ASTN1: variants seen among roughly 807,000 people sequenced by gnomAD.
ASTN1 encodes the protein astrotactin-1.
In ASTN1, 41 loss-of-function variants were observed where a neutral mutation model predicts 140.7. The ratio of observed to expected loss-of-function variants is 0.29; its 90% confidence interval spans 0.23 to 0.38. ASTN1 has a LOEUF of 0.38. Ranked by LOEUF, ASTN1 falls within the 10% of genes least tolerant of loss-of-function variation. ASTN1 has a pLI of 1.00. For synonymous variants in ASTN1, 640 were observed against 652.2 expected, an observed-to-expected ratio of 0.98 and a Z score of 0.29; for missense variants, 1,479 against 1,678.8, an observed-to-expected ratio of 0.88 and a Z score of 2.08.
intron 5 of ASTN1, 171 bp downstream of exon 5, chr1:177,029,463 G>T: frequency 1.3e-6 from 1 of 777,048 alleles, no homozygotes; most frequent in Non-Finnish European, 2.4e-6. Flanking sequence ...TTCCACTCTA[G>T]GCTCTTCTTT....
intron 8 of ASTN1, among the ~76,000 whole-genome samples, chr1:176,968,687 T>C (rs1672998415): frequency 6.6e-6 from 1 of 152,240 alleles, no homozygotes; most frequent in South Asian, 2.1e-4. Context: ...GAAATCTTAC[T>C]TGATTTATTT....
rs139084258 is a variant in ASTN1, at chr1:177,042,662, G to A, written c.472-9813C>T. On this transcript the variant is annotated intron_variant, in intron 2 of 22. Transcript: ENST00000361833. ...TTATTTTATTTAGTCCTACCAATAA[G>A]TATAAGTAGTAAAAATTATAATTTC... Among the ~76,000 whole-genome samples, 89 of 152,270 alleles carry A rather than the reference G, an allele frequency of 5.8e-4. 1 individual carries two copies. The East Asian group carries it at 0.016, about 28-fold the overall frequency.
intron 5 of ASTN1, among the ~76,000 whole-genome samples, chr1:177,028,875 C>T (rs1571674971): frequency 6.6e-6 from 1 of 152,194 alleles, no homozygotes; most frequent in East Asian, 1.9e-4. Flanking sequence ...TTGTTCTTAT[C>T]CAGTACCACA....
At position 177,164,379 on chromosome 1, in the gene ASTN1, TC is replaced by T. The variant is rs759099037; in HGVS notation, c.283+14del. 25 of 1,553,452 alleles carry T rather than the reference TC, an allele frequency of 1.6e-5. No individual in the cohort carries two copies. Among genetic ancestry groups the T allele is most frequent in the South Asian group, 7.2e-5 (6 of 83,598 alleles). On this transcript the variant is annotated intron_variant, in intron 1 of 22. Coordinates refer to ENST00000361833, the MANE Select transcript of ASTN1 (RefSeq NM_004319.3). ...TCCAGCGCCTCCGGCCGCCTCGACC[TC>T]CCCCGGGACTCACCCAGCACGAAGT...
chr1:177,037,095 C>T (rs1235956498), intron 2 of ASTN1, among the ~76,000 whole-genome samples: 1 of 152,164 alleles, frequency 6.6e-6, no homozygotes, highest in Non-Finnish European at 1.5e-5. Context: ...GGTGGGATTA[C>T]AGGTATGAGG....
At chr1:177,146,563 C>T (rs1375285429) in intron 1 of ASTN1, among the ~76,000 whole-genome samples, 3 of 152,194 alleles carry the variant, frequency 2.0e-5, no homozygotes, top group Non-Finnish European at 2.9e-5. Flanking sequence ...AATGCTGGTA[C>T]ATTTCATTAC....
chr1:177,078,458 T>A (rs1234399843), intron 1 of ASTN1, among the ~76,000 whole-genome samples: 3 of 152,148 alleles, frequency 2.0e-5, no homozygotes, highest in Non-Finnish European at 2.9e-5. Context: ...CTCGGGCACC[T>A]CACTAGATGG....
chr1:177,118,670 G>A (rs1681218751), intron 1 of ASTN1, among the ~76,000 whole-genome samples: 1 of 152,082 alleles, frequency 6.6e-6, no homozygotes, highest in African/African-American at 2.4e-5. Flanking sequence ...TTAATTTCAG[G>A]CTGTCTTTAA....
rs1250112269 is a variant in ASTN1 at position 176,871,843 on chromosome 1, G to C, written c.3464-2816C>G. Among the ~76,000 whole-genome samples, 8 of 152,224 alleles carry C rather than the reference G, an allele frequency of 5.3e-5. No individual in the cohort carries two copies. In the East Asian group the frequency reaches 1.2e-3, roughly 22 times the overall value. On this transcript the variant is annotated intron_variant, in intron 21 of 22. Transcript: ENST00000361833. ...TCAATTGCAGGTTCACAGAAACCTT[G>C]AGTTATTCAAGACAGATACCTGTCT... is the stretch of plus-strand genomic sequence containing the variant.
rs1678387268 is a variant in ASTN1 at position 177,066,919 on chromosome 1, G to A, written c.284-5654C>T. ...ATTGCTGAAGTCAAGGCAGGAGGAAGCATTAAGTAGTCAATTTTTAGCCTC... is the reference window on the plus strand; with the variant it reads ...ATTGCTGAAGTCAAGGCAGGAGGAAACATTAAGTAGTCAATTTTTAGCCTC... On this transcript the variant is annotated intron_variant, in intron 1 of 22. Coordinates refer to ENST00000361833, the MANE Select transcript of ASTN1 (RefSeq NM_004319.3). 2.0e-5 allele frequency among the ~76,000 whole-genome samples: 3 copies of A among 152,252 alleles called. No homozygotes were observed. The South Asian group carries it at 6.2e-4, about 32-fold the overall frequency.
chr1:177,103,879 A>T (rs958475987), intron 1 of ASTN1, among the ~76,000 whole-genome samples: 1 of 152,206 alleles, frequency 6.6e-6, no homozygotes, highest in African/African-American at 2.4e-5. Context: ...GCCCCTACTG[A>T]TTAAACTGGG....
intron 8 of ASTN1, chr1:176,976,913 A>G (rs1387714165): frequency 6.6e-6 from 1 of 152,242 alleles, no homozygotes; most frequent in African/African-American, 2.4e-5. Flanking sequence ...CCTGTACAAG[A>G]AAAACAGTTT....
intron 8 of ASTN1, among the ~76,000 whole-genome samples, chr1:177,007,974 C>G (rs1675079928): frequency 6.6e-6 from 1 of 152,198 alleles, no homozygotes; most frequent in Admixed American, 6.5e-5. Flanking sequence ...AACAGTGTAT[C>G]ACTGTATTCA....
Position 177,087,878 on chromosome 1 carries a change from C to T in ASTN1, c.284-26613G>A, listed in dbSNP as rs186290137. Among the ~76,000 whole-genome samples the T allele has an allele frequency of 9.7e-4, 148 of 152,274 alleles. 2 individuals carry two copies. Among genetic ancestry groups the T allele is most frequent in the Admixed American group, 8.4e-3 (128 of 15,284 alleles). ...CATTTTCACCTCACTGAGTGAAGTT[C>T]GGAGTTAAGGTCTCTCTGAGGGTGG... On this transcript the variant is annotated intron_variant, in intron 1 of 22. Coordinates refer to ENST00000361833, the MANE Select transcript of ASTN1 (RefSeq NM_004319.3).
At chr1:176,937,108 A>G (rs1401150545) in intron 14 of ASTN1, among the ~76,000 whole-genome samples, 2 of 152,210 alleles carry the variant, frequency 1.3e-5, no homozygotes, top group African/African-American at 4.8e-5. Flanking sequence ...GCAAATTTAT[A>G]TTAAACTCTA....
intron 1 of ASTN1, among the ~76,000 whole-genome samples, chr1:177,074,440 C>T (rs992732239): frequency 1.3e-5 from 2 of 152,156 alleles, no homozygotes; most frequent in South Asian, 2.1e-4. Flanking sequence ...AAATCTAAGT[C>T]GATCTCCTTG....
At chr1:177,005,643 A>G (rs1303720925) in intron 8 of ASTN1, among the ~76,000 whole-genome samples, 1 of 152,210 alleles carries the variant, frequency 6.6e-6, no homozygotes, top group Non-Finnish European at 1.5e-5. Context: ...ATTCATATAT[A>G]TAATGTGTGT....
At chr1:176,916,785 A>T (rs1670504057) in intron 16 of ASTN1, among the ~76,000 whole-genome samples, 1 of 152,164 alleles carries the variant, frequency 6.6e-6, no homozygotes, top group East Asian at 1.9e-4. Context: ...ATGTTTCTAA[A>T]GCACAATCAG....
Position 176,934,345 on chromosome 1 carries a change from G to A in ASTN1, c.2483-5C>T. 14 of 1,601,500 alleles carry A rather than the reference G, an allele frequency of 8.7e-6. No homozygotes were observed. The highest frequency in any genetic ancestry group is 8.5e-6 in the Non-Finnish European group (10 of 1,169,732). On this transcript the variant is annotated splice_region_variant and splice_polypyrimidine_tract_variant and intron_variant, in intron 15 of 22. Transcript: ENST00000361833. Reference sequence around the variant, plus strand: ...AGTGGAGAGCATTGCTGAGGGCTATGGAGAGGCATCACCCAAGGGTAAGAA... The same window carrying A: ...AGTGGAGAGCATTGCTGAGGGCTATAGAGAGGCATCACCCAAGGGTAAGAA...
Sources: allele counts gnomAD v4.1 joint callset (sites outside exome capture counted in the v4.1 genomes callset), GRCh38; gene constraint gnomAD v4.1.1; transcripts MANE v1.5; gene names NCBI Gene and HGNC (gene_info 2026-07-23, HGNC 2026-07-21).